The following ZFP62 variants were observed in gnomAD, a reference collection of about 807,000 sequenced individuals.
ZFP62 encodes zinc finger protein 62 homolog.
Under a neutral mutation model 56.4 loss-of-function variants are expected in ZFP62, and 44 were observed. The ratio of observed to expected loss-of-function variants is 0.78; its 90% CI spans 0.61 to 1.00. The LOEUF (loss-of-function observed/expected upper bound fraction) is 1.00. Ranked by LOEUF, ZFP62 falls within the 50% of genes least tolerant of loss-of-function variation. ZFP62 has a pLI of 0.00. For missense variants in ZFP62, 1,030 were observed against 1,085.7 expected (o/e 0.95, Z 0.72); for synonymous variants, 421 against 388.9 (o/e 1.08, Z -0.97).
At chr5:180,839,050 A>G in the ZFP62 span, among the ~76,000 whole-genome samples, 5 of 152,238 alleles carry the variant, frequency 3.3e-5, no homozygotes, top group Non-Finnish European at 4.4e-5. Flanking sequence ...GTATAACTAT[A>G]CAATGAGTGT....
chr5:180,844,657 GCTC>G (rs1484600567), downstream of ZFP62, among the ~76,000 whole-genome samples: 1 of 152,184 alleles, frequency 6.6e-6, no homozygotes, highest in East Asian at 1.9e-4. Context: ...TCAGCTGGAG[GCTC>G]CTCCTGCTGA....
chr5:180,845,500 T>G (rs1345641810), downstream of ZFP62, among the ~76,000 whole-genome samples: 1 of 152,150 alleles, frequency 6.6e-6, no homozygotes, highest in Non-Finnish European at 1.5e-5. Flanking sequence ...ACAGGTTTCA[T>G]GCAAACGGCT....
At chr5:180,847,351 A>C (rs1459227276), downstream of ZFP62, among the ~76,000 whole-genome samples, 1 of 111,306 alleles carries the variant, frequency 9.0e-6, no homozygotes, top group Non-Finnish European at 1.9e-5. Flanking sequence ...GTGGTGACTG[A>C]TCACTCACAC....
At chr5:180,843,054 TA>T (rs71281064), downstream of ZFP62, among the ~76,000 whole-genome samples, 1,793 of 146,996 alleles carry the variant, frequency 0.012, 30 homozygotes, top group Non-Finnish European at 0.019. Context: ...AAAAAAAAAA[TA>T]AATAAATAAA....
intron 1 of ZFP62, among the ~76,000 whole-genome samples, chr5:180,855,337 G>A (rs1773913760): frequency 6.6e-6 from 1 of 152,156 alleles, no homozygotes; most frequent in Non-Finnish European, 1.5e-5. Flanking sequence ...TCCAGGTACT[G>A]CTTTGCCATC....
chr5:180,845,547 G>A (rs537298433), downstream of ZFP62, among the ~76,000 whole-genome samples: 25 of 152,170 alleles, frequency 1.6e-4, no homozygotes, highest in African/African-American at 6.0e-4. Context: ...CCTGAGAACC[G>A]CCAGGTCTAA....
intron 1 of ZFP62, among the ~76,000 whole-genome samples, chr5:180,853,477 C>T (rs1413461217): frequency 2.0e-5 from 3 of 152,044 alleles, no homozygotes; most frequent in Admixed American, 6.5e-5. Context: ...AGAGAGACTC[C>T]GAGTATATAG....
intron 1 of ZFP62, among the ~76,000 whole-genome samples, chr5:180,859,980 T>G (rs1048784391): frequency 6.6e-6 from 1 of 152,198 alleles, no homozygotes; most frequent in African/African-American, 2.4e-5. Flanking sequence ...TGCCCCCGAA[T>G]AGATCTAAAA....
downstream of ZFP62, among the ~76,000 whole-genome samples, chr5:180,843,769 A>G (rs1773361435): frequency 6.6e-6 from 1 of 152,234 alleles, no homozygotes; most frequent in Non-Finnish European, 1.5e-5. Flanking sequence ...ATTACAATCT[A>G]ATGGCTTTAT....
At chr5:180,829,089 G>A in the ZFP62 span, among the ~76,000 whole-genome samples, 1 of 142,240 alleles carries the variant, frequency 7.0e-6, no homozygotes, top group Non-Finnish European at 1.6e-5. Context: ...CTGTTAAGGT[G>A]TTTATCAAGA....
chr5:180,829,785 A>G, the ZFP62 span, among the ~76,000 whole-genome samples: 1 of 152,132 alleles, frequency 6.6e-6, no homozygotes, highest in East Asian at 1.9e-4. Context: ...CGGAGCCGAC[A>G]CTGAAAGCCC....
At chr5:180,853,484 A>G (rs1773823112) in intron 1 of ZFP62, among the ~76,000 whole-genome samples, 2 of 152,264 alleles carry the variant, frequency 1.3e-5, no homozygotes, top group Admixed American at 6.5e-5. Context: ...CTCCGAGTAT[A>G]TAGCCTTTTT....
intron 1 of ZFP62, among the ~76,000 whole-genome samples, chr5:180,857,214 C>T (rs1161915966): frequency 1.3e-5 from 2 of 151,992 alleles, no homozygotes; most frequent in Non-Finnish European, 2.9e-5. Context: ...CTTGGATATG[C>T]GTTTTGGAAA....
At chr5:180,855,892 T>G (rs1773942625) in intron 1 of ZFP62, among the ~76,000 whole-genome samples, 1 of 152,198 alleles carries the variant, frequency 6.6e-6, no homozygotes, top group South Asian at 2.1e-4. Context: ...AATGCACACC[T>G]AGTCACTGGG....
the ZFP62 span, among the ~76,000 whole-genome samples, chr5:180,829,770 T>A: frequency 2.0e-5 from 3 of 152,112 alleles, no homozygotes; most frequent in African/African-American, 7.2e-5. Flanking sequence ...TATACCTCTA[T>A]ACCTCGGAGC....
In ZFP62 at chr5:180,850,598, A is replaced by G; in HGVS notation, c.897T>C (p.His299=). The G allele has an allele frequency of 6.4e-7, 1 of 1,563,262 alleles. No homozygotes were observed. Among genetic ancestry groups the G allele is most frequent in the South Asian group, 1.2e-5 (1 of 85,206 alleles). The change falls in exon 2 of 2, where the codon CAT becomes CAC. Residue 299 remains histidine (H), a synonymous_variant. Coordinates refer to ENST00000502412, the MANE Select transcript of ZFP62 (RefSeq NM_001172638.2). ...GTTTCTCACCTGTGTGGATCCTTTT[A>G]TGGACCCTAAGGCCAGAGCTGTTAC... The part of the protein sequence containing the change: ...TFSNSSGLRV[H]KRIHTGEKPY...
At chr5:180,853,139 T>C (rs1211638343) in intron 1 of ZFP62, among the ~76,000 whole-genome samples, 1 of 152,266 alleles carries the variant, frequency 6.6e-6, no homozygotes, top group East Asian at 1.9e-4. Context: ...TGACTCATTA[T>C]AGCATTAATT....
the ZFP62 span, among the ~76,000 whole-genome samples, chr5:180,840,025 T>A: frequency 6.7e-6 from 1 of 148,938 alleles, no homozygotes; most frequent in Non-Finnish European, 1.5e-5. Context: ...AACATACTAG[T>A]TGTGGGACTG....
At chr5:180,832,115 C>G in the ZFP62 span, among the ~76,000 whole-genome samples, 1 of 152,130 alleles carries the variant, frequency 6.6e-6, no homozygotes, top group Admixed American at 6.5e-5. Flanking sequence ...AAACACAACT[C>G]TTGCTGGCTC....
Sources: gnomAD v4.1 joint callset for allele counts (sites outside exome capture counted in the v4.1 genomes callset) on GRCh38, gnomAD v4.1.1 for gene constraint, MANE v1.5 for transcripts, NCBI Gene and HGNC (gene_info 2026-07-23, HGNC 2026-07-21) for gene names.